AGBL1: variants seen among roughly 807,000 people sequenced by gnomAD.
AGBL1 encodes cytosolic carboxypeptidase 4.
Under a neutral mutation model 118.9 loss-of-function variants are expected in AGBL1, and 130 were observed. That is an observed-to-expected ratio of 1.09 (90% CI 0.95 to 1.26). The LOEUF (loss-of-function observed/expected upper bound fraction) is 1.26, where lower values mean the gene tolerates loss of function less well. AGBL1 is among the 50% of genes most tolerant of loss of function. The pLI is 0.00. For missense variants in AGBL1, 1,584 were observed against 1,298.1 expected (o/e 1.22, Z -3.38); for synonymous variants, 555 against 478.9 (o/e 1.16, Z -2.08).
chr15:86,455,830 T>C (rs2142076818), intron 18 of AGBL1, among the ~76,000 whole-genome samples: 1 of 152,244 alleles, frequency 6.6e-6, no homozygotes, highest in South Asian at 2.1e-4. Flanking sequence ...GTTATAGAGG[T>C]AGTAAGTGGC....
intron 17 of AGBL1, among the ~76,000 whole-genome samples, chr15:86,340,153 CT>C (rs1193268485): frequency 6.6e-6 from 1 of 151,950 alleles, no homozygotes; most frequent in African/African-American, 2.4e-5. Flanking sequence ...GACAATTTTC[CT>C]GTTTTTTATT....
chr15:86,523,106 C>G, intron 19 of AGBL1, 167 bp downstream of exon 19: 1 of 777,108 alleles, frequency 1.3e-6, no homozygotes, highest in East Asian at 2.5e-5. Context: ...CTGTACCAAA[C>G]TGCCACAACT....
chr15:86,087,936 G>C (rs1339994815), intron 1 of AGBL1, among the ~76,000 whole-genome samples: 1 of 152,210 alleles, frequency 6.6e-6, no homozygotes, highest in African/African-American at 2.4e-5. Context: ...GTCTCCACAG[G>C]CTGGAAGGAC....
chr15:86,943,508 G>A (rs966446769), intron 23 of AGBL1, among the ~76,000 whole-genome samples: 1 of 152,168 alleles, frequency 6.6e-6, no homozygotes, highest in Non-Finnish European at 1.5e-5. Context: ...TGTGGTGTCT[G>A]ATTTACATAG....
downstream of AGBL1, among the ~76,000 whole-genome samples, chr15:86,916,493 G>T (rs987380583): frequency 2.6e-5 from 4 of 152,100 alleles, no homozygotes; most frequent in African/African-American, 9.7e-5. Flanking sequence ...AATAAAAATG[G>T]ATCAGGCACT....
intron 17 of AGBL1, among the ~76,000 whole-genome samples, chr15:86,362,090 T>C (rs2080814123): frequency 6.6e-6 from 1 of 152,170 alleles, no homozygotes; most frequent in African/African-American, 2.4e-5. Flanking sequence ...TTTTCTCTTT[T>C]GTGTATCAAC....
At chr15:86,719,172 CA>C (rs1305927117) in intron 22 of AGBL1, among the ~76,000 whole-genome samples, 2 of 152,136 alleles carry the variant, frequency 1.3e-5, no homozygotes, top group Admixed American at 6.5e-5. Flanking sequence ...AGACAAACTT[CA>C]AGTCTGTGGG....
intron 18 of AGBL1, 150 bp downstream of exon 18, chr15:86,397,696 C>A: frequency 1.4e-6 from 1 of 721,008 alleles, no homozygotes; most frequent in Non-Finnish European, 2.3e-6. Flanking sequence ...TAACAACATA[C>A]TTTCCATACA....
chr15:86,459,786 C>A (rs1425144726), intron 18 of AGBL1, among the ~76,000 whole-genome samples: 1 of 152,096 alleles, frequency 6.6e-6, no homozygotes, highest in Non-Finnish European at 1.5e-5. Context: ...AGTCCTACCG[C>A]ATTCTGCCCT....
At chr15:86,604,590 A>T (rs374800389) in intron 21 of AGBL1, among the ~76,000 whole-genome samples, 3 of 152,120 alleles carry the variant, frequency 2.0e-5, no homozygotes, top group Non-Finnish European at 2.9e-5. Context: ...TATATTTTCT[A>T]TGTGCCTTAC....
At chr15:86,861,839 A>C (rs2079563043) in intron 22 of AGBL1, among the ~76,000 whole-genome samples, 1 of 152,238 alleles carries the variant, frequency 6.6e-6, no homozygotes, top group Non-Finnish European at 1.5e-5. Flanking sequence ...GTTTATCCAC[A>C]AAGTCAAACC....
intron 22 of AGBL1, among the ~76,000 whole-genome samples, chr15:86,710,648 G>A (rs541969664): frequency 6.6e-5 from 10 of 152,218 alleles, no homozygotes; most frequent in Non-Finnish European, 8.8e-5. Context: ...TTTTTAAGTC[G>A]CCTGGCAACA....
At chr15:86,635,450 G>T (rs183931824) in intron 21 of AGBL1, among the ~76,000 whole-genome samples, 1 of 151,542 alleles carries the variant, frequency 6.6e-6, no homozygotes, top group Admixed American at 6.6e-5. Flanking sequence ...CTGCGATTCA[G>T]GTTGCTGTGG....
chr15:86,513,247 T>C (rs1361181874), intron 18 of AGBL1, among the ~76,000 whole-genome samples: 2 of 152,054 alleles, frequency 1.3e-5, no homozygotes, highest in Non-Finnish European at 2.9e-5. Context: ...CTCAGGTTTT[T>C]TTTCTGTTTA....
In AGBL1 at chr15:86,908,319, T is replaced by A. The variant is rs2080308387; in HGVS notation, c.*1025T>A. The stretch of plus-strand genomic sequence containing the variant: ...AAAATTCTCACCAGCCTGGACAACA[T>A]GATGAAACCCTGTCTCTACTAAACC... On this transcript the variant is annotated 3_prime_UTR_variant, in exon 23 of 23. Transcript: ENST00000614907. 1 of 152,146 alleles carries A rather than the reference T, an allele frequency of 6.6e-6. No homozygotes were observed. Among genetic ancestry groups the A allele is most frequent in the Non-Finnish European group, 1.5e-5 (1 of 68,038 alleles). The allele number at this position is 152,146 out of a possible 1,614,324, so 9.4% of individuals were successfully genotyped here.
intron 22 of AGBL1, among the ~76,000 whole-genome samples, chr15:86,715,979 T>TGG (rs1411646788): frequency 2.0e-5 from 3 of 149,192 alleles, no homozygotes. Context: ...GGCAGGAGAA[T>TGG]CACTTGAACC....
chr15:86,920,281 C>T (rs1279514494), downstream of AGBL1, among the ~76,000 whole-genome samples: 1 of 152,210 alleles, frequency 6.6e-6, no homozygotes, highest in African/African-American at 2.4e-5. Flanking sequence ...TACAGTCCGC[C>T]TCCATTCCTT....
intron 1 of AGBL1, among the ~76,000 whole-genome samples, chr15:86,083,932 G>A (rs890689787): frequency 6.6e-6 from 1 of 152,166 alleles, no homozygotes; most frequent in Non-Finnish European, 1.5e-5. Context: ...GGACAATCAA[G>A]GGAAGAATTT....
intron 9 of AGBL1, among the ~76,000 whole-genome samples, chr15:86,258,866 C>T (rs1366882877): frequency 1.3e-5 from 2 of 152,060 alleles, no homozygotes; most frequent in South Asian, 2.1e-4. Context: ...ACCACCACAC[C>T]CAGCTAATTT....
Sources: gnomAD v4.1 joint callset for allele counts (sites outside exome capture counted in the v4.1 genomes callset) on GRCh38, gnomAD v4.1.1 for gene constraint, MANE v1.5 for transcripts, NCBI Gene and HGNC (gene_info 2026-07-23, HGNC 2026-07-21) for gene names.